HDLBP: variants seen among roughly 807,000 people sequenced by gnomAD.
HDLBP encodes high density lipoprotein binding protein, also known as vigilin.
A neutral mutation model predicts 137.3 loss-of-function variants in HDLBP; 30 were observed. The observed-to-expected ratio is 0.22, with a 90% CI of 0.16 to 0.30. The LOEUF (loss-of-function observed/expected upper bound fraction) is 0.30. HDLBP is among the 10% of genes least tolerant of loss of function. The pLI, the probability that HDLBP is intolerant of heterozygous loss-of-function variation, is 1.00. For synonymous variants in HDLBP, 606 were observed against 596.0 expected (o/e 1.02, Z -0.24); for missense variants, 1,119 against 1,667.3 (o/e 0.67, Z 5.73).
chr2:241,278,173 ATAT>A (rs1238616531), intron 1 of HDLBP, among the ~76,000 whole-genome samples: 2 of 152,218 alleles, frequency 1.3e-5, no homozygotes, highest in Non-Finnish European at 2.9e-5. Flanking sequence ...AGAAAAACAA[ATAT>A]TATCACGATG....
At chr2:241,249,710 C>T (rs2071967831) in intron 12 of HDLBP, 131 bp downstream of exon 12, 8 of 853,102 alleles carry the variant, frequency 9.4e-6, no homozygotes, top group African/African-American at 1.7e-5. Context: ...GAGTCCAATC[C>T]GGTTCCAGTG....
At chr2:241,306,971 CA>C (rs5839774) in intron 1 of HDLBP, among the ~76,000 whole-genome samples, 36,735 of 79,024 alleles carry the variant, frequency 0.46, 6,387 homozygotes, top group African/African-American at 0.62. Context: ...TGAACCTATT[CA>C]AAAAAAAAAA....
chr2:241,283,303 T>C (rs988569465), intron 1 of HDLBP, among the ~76,000 whole-genome samples: 4 of 152,158 alleles, frequency 2.6e-5, no homozygotes, highest in Admixed American at 6.5e-5. Flanking sequence ...CTCTCTAACA[T>C]GAAAGTGCAC....
chr2:241,306,503 C>A (rs2075579073), intron 1 of HDLBP, among the ~76,000 whole-genome samples: 1 of 152,060 alleles, frequency 6.6e-6, no homozygotes, highest in African/African-American at 2.4e-5. Context: ...AGGTGATCTG[C>A]CCGCCTCAGC....
At chr2:241,309,637 C>T (rs1469294432) in intron 1 of HDLBP, among the ~76,000 whole-genome samples, 1 of 152,176 alleles carries the variant, frequency 6.6e-6, no homozygotes, top group Non-Finnish European at 1.5e-5. Context: ...CTAAGATGCA[C>T]CCCACAACTC....
In HDLBP at chr2:241,244,945, A is replaced by C. The variant is rs138424745; in HGVS notation, c.1950+1807T>G. 5.5e-3 allele frequency among the ~76,000 whole-genome samples: 832 copies of C among 152,230 alleles called. 11 individuals are homozygous for C. The highest frequency in any genetic ancestry group is 0.019 in the African/African-American group (771 of 41,536). The stretch of plus-strand genomic sequence containing the variant: ...GTGTAGTTTCTGTGTAAGATGATGG[A>C]AATGCTCTGAAAATGGACAGGGTGA... On this transcript the variant is annotated intron_variant, in intron 16 of 27. Coordinates refer to ENST00000310931, the MANE Select transcript of HDLBP (RefSeq NM_005336.6).
chr2:241,284,118 G>T (rs951020044), intron 1 of HDLBP, among the ~76,000 whole-genome samples: 4 of 152,186 alleles, frequency 2.6e-5, no homozygotes, highest in African/African-American at 7.2e-5. Flanking sequence ...ACAAGGAGAT[G>T]AATGTTGTTT....
Position 241,266,831 on chromosome 2 carries a change from A to T in HDLBP, c.39T>A (p.Ala13=). 1.2e-6 allele frequency: 2 copies of T among 1,614,046 alleles called. No homozygotes were observed. Among genetic ancestry groups the T allele is most frequent in the South Asian group, 2.2e-5 (2 of 91,092 alleles). The change falls in exon 3 of 28, where the codon GCT becomes GCA. Residue 13 remains alanine (A), a synonymous_variant. Coordinates refer to ENST00000310931, the MANE Select transcript of HDLBP (RefSeq NM_005336.6). ...SVAVLTQESF[A]EHRSGLVPQQ... ...GCGGAACCAGCCCACTTCGGTGTTC[A>T]GCAAAACTCTCTTGGGTCAAAACTG...
At chr2:241,313,284 T>C (rs1227453140) in intron 1 of HDLBP, among the ~76,000 whole-genome samples, 1 of 152,174 alleles carries the variant, frequency 6.6e-6, no homozygotes, top group Non-Finnish European at 1.5e-5. Flanking sequence ...ATCCTCTTTT[T>C]TTGTTGGCTT....
chr2:241,239,010 G>A lies in HDLBP; in HGVS notation c.2611-223C>T, dbSNP rs766326781. ...TCTGAAATGTGTCCCAGAAGGCCAG[G>A]TGCCATCCCTGGAGGGTGGCCAATT... is the stretch of plus-strand genomic sequence containing the variant. On this transcript the variant is annotated intron_variant, in intron 19 of 27. Coordinates refer to ENST00000310931, the MANE Select transcript of HDLBP (RefSeq NM_005336.6). The surrounding 1 kb of genome is among the most constrained non-coding windows in gnomAD (Gnocchi z 4.6). Among the ~76,000 whole-genome samples the A allele has an allele frequency of 2.6e-5, 4 of 152,186 alleles. No homozygotes were observed. Among genetic ancestry groups the A allele is most frequent in the Admixed American group, 6.5e-5 (1 of 15,284 alleles).
Position 241,253,461 on chromosome 2 carries a change from T to A in HDLBP, c.1225A>T (p.Thr409Ser). Residue 409 changes from threonine (T) to serine (S), a missense_variant, in exon 10 of 28, where the codon ACC becomes TCC. Coordinates refer to ENST00000310931, the MANE Select transcript of HDLBP (RefSeq NM_005336.6). Reference sequence around the variant, plus strand: ...ACATCCTCTGTAGGGCCCTCCAGGGTGATCTTGTCTTCGCCCTCTGTGAAC... The same window carrying A: ...ACATCCTCTGTAGGGCCCTCCAGGGAGATCTTGTCTTCGCCCTCTGTGAAC... The part of the protein sequence containing the change: ...IEFTEGEDKI[T>S]LEGPTEDVNV... 1 of 1,613,740 alleles carries A rather than the reference T, an allele frequency of 6.2e-7. No individual in the cohort carries two copies. The highest frequency in any genetic ancestry group is 8.5e-7 in the Non-Finnish European group (1 of 1,179,650).
chr2:241,268,951 G>A (rs1222162171), intron 1 of HDLBP: 1 of 152,246 alleles, frequency 6.6e-6, no homozygotes, highest in Admixed American at 6.5e-5. Flanking sequence ...GCTGGGCTCT[G>A]ACCTACAACA....
chr2:241,272,366 C>A lies in HDLBP; in HGVS notation c.-102-3825G>T. 2.0e-6 allele frequency: 2 copies of A among 984,144 alleles called. No individual in the cohort carries two copies. Among genetic ancestry groups the A allele is most frequent in the Non-Finnish European group, 2.4e-6 (2 of 829,566 alleles). The allele number at this position is 984,144 out of a possible 1,614,324, so 61.0% of individuals were successfully genotyped here. A position where few individuals can be genotyped will look rare whatever the true frequency, so the allele number is the denominator to read the frequency against. On this transcript the variant is annotated intron_variant, in intron 1 of 27. Transcript: ENST00000310931. The surrounding 1 kb of genome is among the most constrained non-coding windows in gnomAD (Gnocchi z 5.6). ...GCCCCGCCAACGTCAGCGACCTGGG[C>A]TCAGGTCGGCCGCCCCTCCGCGCCG... is the stretch of plus-strand genomic sequence containing the variant.
intron 1 of HDLBP, among the ~76,000 whole-genome samples, chr2:241,309,442 C>G (rs543636099): frequency 6.6e-6 from 1 of 151,890 alleles, no homozygotes; most frequent in Non-Finnish European, 1.5e-5. Flanking sequence ...ATACAAATCA[C>G]GAAAGCAAAG....
At chr2:241,266,190 G>A (rs1017510674) in intron 3 of HDLBP, among the ~76,000 whole-genome samples, 19 of 152,138 alleles carry the variant, frequency 1.2e-4, no homozygotes, top group Non-Finnish European at 2.1e-4. Context: ...ATCAGACTTC[G>A]AAGAGAAATA....
intron 5 of HDLBP, among the ~76,000 whole-genome samples, chr2:241,258,334 A>G (rs903357880): frequency 7.2e-5 from 10 of 139,380 alleles, no homozygotes; most frequent in Admixed American, 2.3e-4. Context: ...GCGACAGAGC[A>G]AGACTCCGTC....
chr2:241,263,871 C>T (rs1191273777), intron 4 of HDLBP, among the ~76,000 whole-genome samples: 1 of 152,086 alleles, frequency 6.6e-6, no homozygotes, highest in Non-Finnish European at 1.5e-5. Context: ...CGTGCCTGTC[C>T]TACTGAGTGC....
intron 2 of HDLBP, among the ~76,000 whole-genome samples, chr2:241,267,267 G>T (rs2073748620): frequency 6.6e-6 from 1 of 152,154 alleles, no homozygotes; most frequent in Non-Finnish European, 1.5e-5. Context: ...GAAAGTTTAA[G>T]AAATTTGTGT....
intron 1 of HDLBP, among the ~76,000 whole-genome samples, chr2:241,300,160 C>T (rs2075341605): frequency 6.6e-6 from 1 of 152,080 alleles, no homozygotes; most frequent in Non-Finnish European, 1.5e-5. Context: ...TAGATATGCA[C>T]AGCAGCACAT....
Sources: allele counts gnomAD v4.1 joint callset (sites outside exome capture counted in the v4.1 genomes callset), GRCh38; gene constraint gnomAD v4.1.1; non-coding constraint Gnocchi (gnomAD v3.1); transcripts MANE v1.5; gene names NCBI Gene and HGNC (gene_info 2026-07-23, HGNC 2026-07-21).